Variants in TSPAN12 observed in about 807,000 individuals in gnomAD.
TSPAN12 encodes the protein tetraspanin-12.
TSPAN12 carries 19 observed loss-of-function variants against 39.2 expected under a neutral mutation model. The observed-to-expected ratio is 0.49, with a 90% CI of 0.34 to 0.71. The LOEUF (loss-of-function observed/expected upper bound fraction) is 0.71, where lower values mean the gene tolerates loss of function less well. TSPAN12 is among the 30% of genes least tolerant of loss of function. The probability of loss-of-function intolerance (pLI) is 0.01; values close to 1 mark genes in which losing one functional copy is unlikely to be tolerated. For missense variants in TSPAN12, 314 were observed against 359.9 expected (o/e 0.87, Z 1.03); for synonymous variants, 119 against 124.8 (o/e 0.95, Z 0.31).
At chr7:120,825,813 A>T (rs1049268615) in intron 4 of TSPAN12, among the ~76,000 whole-genome samples, 3 of 152,220 alleles carry the variant, frequency 2.0e-5, no homozygotes, top group South Asian at 2.1e-4. Context: ...CTGAAAACAC[A>T]TATACACACA....
At chr7:120,836,176 G>C (rs1794472741) in intron 4 of TSPAN12, among the ~76,000 whole-genome samples, 1 of 152,182 alleles carries the variant, frequency 6.6e-6, no homozygotes, top group East Asian at 1.9e-4. Context: ...AGAGGAGTGG[G>C]ATGTGGGGAG....
intron 7 of TSPAN12, among the ~76,000 whole-genome samples, chr7:120,802,252 G>C (rs1241967582): frequency 6.6e-6 from 1 of 152,228 alleles, no homozygotes; most frequent in Non-Finnish European, 1.5e-5. Context: ...GAACAGGGGA[G>C]TGGGCTGTCA....
At chr7:120,804,110 T>C (rs896181960) in intron 7 of TSPAN12, among the ~76,000 whole-genome samples, 20 of 152,218 alleles carry the variant, frequency 1.3e-4, no homozygotes, top group African/African-American at 4.6e-4. Context: ...GCCCAATAAT[T>C]GTCCATATTG....
rs192508460 is a variant in TSPAN12 at position 120,796,948 on chromosome 7, G to T, written c.613-8051C>A. Among the ~76,000 whole-genome samples the T allele has an allele frequency of 9.2e-3, 1,398 of 152,294 alleles. 24 individuals carry two copies. The highest frequency in any genetic ancestry group is 0.032 in the African/African-American group (1,318 of 41,570). On this transcript the variant is annotated intron_variant, in intron 7 of 7. Coordinates refer to ENST00000222747, the MANE Select transcript of TSPAN12 (RefSeq NM_012338.4). The stretch of plus-strand genomic sequence containing the variant: ...AGGCAGGCGGATCACGAGGTCAGGA[G>T]ACAGAGACCATCCTGGCTAACATGG...
chr7:120,844,112 C>T (rs938404413), intron 2 of TSPAN12, among the ~76,000 whole-genome samples: 2 of 152,048 alleles, frequency 1.3e-5, no homozygotes, highest in African/African-American at 4.8e-5. Flanking sequence ...GAGGAAGGTG[C>T]TACACATTTT....
chr7:120,808,671 G>A (rs574407374), intron 6 of TSPAN12, among the ~76,000 whole-genome samples: 19 of 152,192 alleles, frequency 1.2e-4, no homozygotes, highest in African/African-American at 4.3e-4. Flanking sequence ...TTCTAAAAAC[G>A]TATTAAACAA....
At chr7:120,832,901 C>T (rs887718688) in intron 4 of TSPAN12, among the ~76,000 whole-genome samples, 3 of 151,972 alleles carry the variant, frequency 2.0e-5, no homozygotes, top group African/African-American at 4.8e-5. Context: ...AAATGACTAC[C>T]GAATGCCTTG....
chr7:120,838,829 C>T lies in TSPAN12; in HGVS notation c.233G>A (p.Gly78Glu), dbSNP rs1775134804. Residue 78 changes from glycine to glutamate, a missense_variant, in exon 4 of 8, where the codon GGG (glycine) becomes GAG (glutamate). Physicochemically the swap from Gly to Glu is moderately conservative, Grantham distance 98 (BLOSUM62 -2). Transcript: ENST00000222747. ...IAVCCFLIIV[G>E]MLGYCGTVKR... Reference sequence around the variant, plus strand: ...CACCGTTCCACAATATCCTAACATCCCCACAATGATAAGGAAACAGCAAAC... The same window carrying T: ...CACCGTTCCACAATATCCTAACATCTCCACAATGATAAGGAAACAGCAAAC... 1 of 1,613,816 alleles carries T rather than the reference C, an allele frequency of 6.2e-7. No individual in the cohort carries two copies. The highest frequency in any genetic ancestry group is 8.5e-7 in the Non-Finnish European group (1 of 1,179,886).
At chr7:120,853,427 A>C (rs987723843) in intron 2 of TSPAN12, among the ~76,000 whole-genome samples, 1 of 150,430 alleles carries the variant, frequency 6.6e-6, no homozygotes, top group African/African-American at 2.4e-5. Flanking sequence ...AATAATCTTA[A>C]AGAACATTTT....
chr7:120,808,463 T>C (rs1200998890), intron 6 of TSPAN12, among the ~76,000 whole-genome samples: 1 of 152,082 alleles, frequency 6.6e-6, no homozygotes, highest in Non-Finnish European at 1.5e-5. Context: ...TAATATCATA[T>C]TGTGAGATAG....
At chr7:120,811,895 CG>C (rs888945400) in intron 5 of TSPAN12, among the ~76,000 whole-genome samples, 1 of 151,758 alleles carries the variant, frequency 6.6e-6, no homozygotes. Flanking sequence ...TTTGGGGACT[CG>C]GGAGGAAGGA....
chr7:120,849,460 CT>C (rs920302622), intron 2 of TSPAN12, among the ~76,000 whole-genome samples: 3 of 152,148 alleles, frequency 2.0e-5, no homozygotes, highest in African/African-American at 7.2e-5. Flanking sequence ...AGAAACAGTC[CT>C]TTCTATCTTT....
At chr7:120,826,113 A>AT (rs1794281921) in intron 4 of TSPAN12, among the ~76,000 whole-genome samples, 2 of 152,002 alleles carry the variant, frequency 1.3e-5, no homozygotes, top group African/African-American at 2.4e-5. Flanking sequence ...AATATTGAAT[A>AT]TTTTTTCTAA....
Position 120,788,451 on chromosome 7 carries a change from A to T in TSPAN12, c.*141T>A. Reference sequence around the variant, plus strand: ...CATGAAACTTTTCCATCCTCATTTTAAAGCATAGAATAGTATATGCTTAGG... The same window carrying T: ...CATGAAACTTTTCCATCCTCATTTTTAAGCATAGAATAGTATATGCTTAGG... On this transcript the variant is annotated 3_prime_UTR_variant, in exon 8 of 8. Transcript: ENST00000222747. The T allele has an allele frequency of 1.0e-6, 1 of 999,104 alleles. No individual in the cohort carries two copies. Among genetic ancestry groups the T allele is most frequent in the Non-Finnish European group, 1.5e-6 (1 of 672,198 alleles). 61.9% of individuals were successfully genotyped at this position (999,104 alleles called of 1,614,324 possible).
chr7:120,811,842 G>A (rs1237253718), intron 5 of TSPAN12, among the ~76,000 whole-genome samples: 1 of 152,078 alleles, frequency 6.6e-6, no homozygotes, highest in Non-Finnish European at 1.5e-5. Flanking sequence ...GTATGTGGGA[G>A]CTAAGCTATA....
intron 2 of TSPAN12, among the ~76,000 whole-genome samples, chr7:120,852,307 T>C (rs1487077220): frequency 6.6e-6 from 1 of 152,128 alleles, no homozygotes; most frequent in Non-Finnish European, 1.5e-5. Flanking sequence ...AGCCTATAGC[T>C]TTTCACCTCA....
chr7:120,818,624 T>C (rs1486351154), intron 4 of TSPAN12, among the ~76,000 whole-genome samples: 1 of 152,142 alleles, frequency 6.6e-6, no homozygotes, highest in East Asian at 1.9e-4. Context: ...GCTTCCTTCA[T>C]ATTTCTTTCA....
intron 7 of TSPAN12, among the ~76,000 whole-genome samples, chr7:120,789,686 TAA>T (rs1793482555): frequency 6.6e-6 from 1 of 152,162 alleles, no homozygotes; most frequent in South Asian, 2.1e-4. Flanking sequence ...ATAGTGAGGG[TAA>T]AAGAGTCCTC....
At chr7:120,818,476 T>G (rs1584936602) in intron 4 of TSPAN12, among the ~76,000 whole-genome samples, 1 of 152,186 alleles carries the variant, frequency 6.6e-6, no homozygotes, top group Admixed American at 6.6e-5. Context: ...GCATTCAAAC[T>G]TAAAGTTTCT....
Sources: allele counts gnomAD v4.1 joint callset (sites outside exome capture counted in the v4.1 genomes callset), GRCh38; gene constraint gnomAD v4.1.1; transcripts MANE v1.5; gene names NCBI Gene and HGNC (gene_info 2026-07-23, HGNC 2026-07-21).